FMN1: variants seen among roughly 807,000 people sequenced by gnomAD.
The protein encoded by FMN1 is formin-1.
FMN1 carries 110 observed loss-of-function variants against 132.4 expected under a neutral mutation model. The observed-to-expected ratio is 0.83, with a 90% CI of 0.71 to 0.97. FMN1 has a LOEUF of 0.97. Ranked by LOEUF, FMN1 falls within the 50% of genes least tolerant of loss-of-function variation. The pLI, the probability that FMN1 is intolerant of heterozygous loss-of-function variation, is 0.00. For synonymous variants in FMN1, 722 were observed against 651.7 expected, an observed-to-expected ratio of 1.11 and a Z score of -1.64; for missense variants, 1,792 against 1,705.3, an observed-to-expected ratio of 1.05 and a Z score of -0.90.
intron 10 of FMN1, among the ~76,000 whole-genome samples, chr15:32,911,918 A>G (rs1347190999): frequency 6.6e-6 from 1 of 152,176 alleles, no homozygotes; most frequent in Non-Finnish European, 1.5e-5. Flanking sequence ...TGTGGAGATC[A>G]CATAAATCCA....
At chr15:33,081,813 T>C (rs1305854700) in intron 5 of FMN1, among the ~76,000 whole-genome samples, 1 of 152,120 alleles carries the variant, frequency 6.6e-6, no homozygotes, top group East Asian at 1.9e-4. Flanking sequence ...CGGTAAGACA[T>C]GGAGGTTCTT....
At position 32,898,823 on chromosome 15, in the gene FMN1, C is replaced by T. The variant is rs774015268; in HGVS notation, c.3714+11G>A. ...AGAGGTGAAACTTTTCCACGTAATA[C>T]CATTTCTTACCTGATCATAGTAACG... On this transcript the variant is annotated intron_variant, in intron 15 of 20. Transcript: ENST00000616417. The T allele has an allele frequency of 1.9e-5, 29 of 1,567,360 alleles. No individual in the cohort carries two copies. The highest frequency in any genetic ancestry group is 2.5e-5 in the Non-Finnish European group (29 of 1,140,272).
chr15:32,878,293 G>A (rs1168695230), intron 16 of FMN1, among the ~76,000 whole-genome samples: 1 of 152,214 alleles, frequency 6.6e-6, no homozygotes, highest in Admixed American at 6.5e-5. Context: ...AGGCAGAAGT[G>A]GTTAAATCAG....
chr15:33,019,028 C>T (rs548471970), intron 6 of FMN1, among the ~76,000 whole-genome samples: 2 of 152,278 alleles, frequency 1.3e-5, no homozygotes, highest in Admixed American at 6.5e-5. Context: ...TTCCACCATG[C>T]GGAAGAGGAC....
chr15:32,910,622 A>G (rs34953485), intron 10 of FMN1, 87 bp from the exon 11 acceptor site: 29,098 of 978,784 alleles, frequency 0.03, 506 homozygotes, highest in Middle Eastern at 0.043. Flanking sequence ...CTTCCAAGCA[A>G]TTAACAGAGT....
intron 15 of FMN1, among the ~76,000 whole-genome samples, chr15:32,889,719 T>C (rs2059979659): frequency 7.1e-6 from 1 of 141,206 alleles, no homozygotes; most frequent in Middle Eastern, 3.4e-3. Context: ...CGTGGGTGTT[T>C]CTCCCCTGTT....
At chr15:33,132,480 A>T (rs16965420) in intron 4 of FMN1, among the ~76,000 whole-genome samples, 4,101 of 152,234 alleles carry the variant, frequency 0.027, 183 homozygotes, top group African/African-American at 0.095. Context: ...AGCCCACATC[A>T]TGTCATTTGG....
At chr15:32,785,773 T>A (rs910399854) in intron 19 of FMN1, among the ~76,000 whole-genome samples, 1 of 152,102 alleles carries the variant, frequency 6.6e-6, no homozygotes, top group Non-Finnish European at 1.5e-5. Flanking sequence ...TGACTAAAAT[T>A]AATCACCGCT....
chr15:32,890,244 T>A (rs537032908), intron 15 of FMN1, among the ~76,000 whole-genome samples: 1 of 152,328 alleles, frequency 6.6e-6, no homozygotes, highest in African/African-American at 2.4e-5. Context: ...CACGTGCAAG[T>A]ATCTTTTTCA....
At chr15:32,989,673 C>T (rs192136064) in intron 7 of FMN1, among the ~76,000 whole-genome samples, 166 of 152,176 alleles carry the variant, frequency 1.1e-3, no homozygotes, top group Middle Eastern at 3.4e-3. Context: ...TTTTAAGAGA[C>T]GGGCAACAAC....
intron 4 of FMN1, among the ~76,000 whole-genome samples, chr15:33,127,282 G>C: frequency 6.6e-6 from 1 of 152,138 alleles, no homozygotes; most frequent in East Asian, 1.9e-4. Flanking sequence ...TTCACAACAA[G>C]AATCCGTCAA....
At chr15:32,961,995 G>A (rs1016670364) in intron 9 of FMN1, among the ~76,000 whole-genome samples, 1 of 152,028 alleles carries the variant, frequency 6.6e-6, no homozygotes, top group Non-Finnish European at 1.5e-5. Context: ...ATTTAAAATT[G>A]CAGACCTCAC....
chr15:32,986,745 CTTGA>C (rs2033094076), intron 7 of FMN1, among the ~76,000 whole-genome samples: 1 of 152,114 alleles, frequency 6.6e-6, no homozygotes, highest in South Asian at 2.1e-4. Context: ...CTCATTTTGA[CTTGA>C]TTCTCTTCTC....
intron 19 of FMN1, among the ~76,000 whole-genome samples, chr15:32,798,241 T>A (rs2057359677): frequency 6.7e-6 from 1 of 150,220 alleles, no homozygotes; most frequent in Non-Finnish European, 1.5e-5. Flanking sequence ...AGAGTTGAGG[T>A]TTTTCTTCTA....
At chr15:33,075,020 C>CAAAAA (rs57504432) in intron 5 of FMN1, among the ~76,000 whole-genome samples, 2,120 of 61,416 alleles carry the variant, frequency 0.035, 387 homozygotes, top group Non-Finnish European at 0.045. Flanking sequence ...GATTCCATCT[C>CAAAAA]AAAAAAAAAA....
chr15:32,879,096 A>G (rs1231131225), intron 16 of FMN1, among the ~76,000 whole-genome samples: 1 of 152,218 alleles, frequency 6.6e-6, no homozygotes, highest in Non-Finnish European at 1.5e-5. Flanking sequence ...TTTAGTCACC[A>G]TGCTCAATTA....
Position 33,154,097 on chromosome 15 carries a change from G to A in FMN1, c.818C>T (p.Ser273Phe). 6.5e-7 allele frequency: 1 copy of A among 1,536,188 alleles called. No individual in the cohort carries two copies. The highest frequency in any genetic ancestry group is 8.7e-7 in the Non-Finnish European group (1 of 1,146,956). Residue 273 changes from serine to phenylalanine, a missense_variant, in exon 4 of 21, where the codon TCC becomes TTC. Ser to Phe is a radical substitution (Grantham distance 155, BLOSUM62 -2). Coordinates refer to ENST00000616417, the MANE Select transcript of FMN1 (RefSeq NM_001277313.2). ...AATGCCATCCCCTCCTGCCTCTGTG[G>A]AGCTGCAGTCAGGGGGCAGCACTTC... is the stretch of plus-strand genomic sequence containing the variant. ...GREVLPPDCS[S>F]TEAGGDGIRR...
intron 16 of FMN1, among the ~76,000 whole-genome samples, chr15:32,880,265 CCT>C (rs1195206538): frequency 6.6e-6 from 1 of 152,122 alleles, no homozygotes; most frequent in East Asian, 1.9e-4. Flanking sequence ...CCGCACATTT[CCT>C]CTTTCTCTCA....
intron 17 of FMN1, among the ~76,000 whole-genome samples, chr15:32,817,576 C>T (rs2058093089): frequency 6.6e-6 from 1 of 152,134 alleles, no homozygotes; most frequent in African/African-American, 2.4e-5. Flanking sequence ...AAAGAAAATG[C>T]TGAGAGAACT....
Sources: gnomAD v4.1 joint callset for allele counts (sites outside exome capture counted in the v4.1 genomes callset) on GRCh38, gnomAD v4.1.1 for gene constraint, MANE v1.5 for transcripts, NCBI Gene and HGNC (gene_info 2026-07-23, HGNC 2026-07-21) for gene names.